Variants in CSTPP1 observed in about 807,000 individuals in gnomAD.
CSTPP1 encodes the protein centriolar satellite-associated tubulin polyglutamylase complex regulator 1, also known as UPF0705 protein C11orf49.
chr11:46,981,020 A>G, the CSTPP1 span, among the ~76,000 whole-genome samples: 1 of 152,184 alleles, frequency 6.6e-6, no homozygotes, highest in African/African-American at 2.4e-5. Flanking sequence ...GTAAACATGA[A>G]GATATCCTGT....
At chr11:47,039,369 G>C in the CSTPP1 span, among the ~76,000 whole-genome samples, 2 of 127,608 alleles carry the variant, frequency 1.6e-5, 1 homozygote, top group African/African-American at 5.0e-5. Context: ...CAGGCGTGGC[G>C]GCGCGCGCCC....
chr11:47,120,904 G>C, the CSTPP1 span, among the ~76,000 whole-genome samples: 1 of 152,148 alleles, frequency 6.6e-6, no homozygotes, highest in Non-Finnish European at 1.5e-5. This position sits in a 1 kb window ranked among gnomAD's most constrained non-coding sequence, Gnocchi z 4.2. Flanking sequence ...ACGCAGAAGA[G>C]TTTTACAGTT....
the CSTPP1 span, among the ~76,000 whole-genome samples, chr11:47,086,411 A>C: frequency 3.8e-4 from 58 of 151,910 alleles, no homozygotes; most frequent in African/African-American, 1.4e-3. Context: ...GTGGAAAAAA[A>C]ATTTTTTAAA....
At chr11:46,962,397 G>T in the CSTPP1 span, among the ~76,000 whole-genome samples, 1 of 152,094 alleles carries the variant, frequency 6.6e-6, no homozygotes, top group Non-Finnish European at 1.5e-5. Context: ...TCTTTTTCGA[G>T]ATTGTTTTGG....
chr11:46,992,225 T>A, the CSTPP1 span, among the ~76,000 whole-genome samples: 4 of 152,002 alleles, frequency 2.6e-5, no homozygotes, highest in African/African-American at 7.2e-5. Context: ...TTTCTTTTTT[T>A]ATTTTTTTTA....
the CSTPP1 span, among the ~76,000 whole-genome samples, chr11:47,149,314 C>T: frequency 5.3e-5 from 8 of 152,222 alleles, no homozygotes; most frequent in Non-Finnish European, 1.0e-4. Context: ...AAAGCAGGGG[C>T]GGCCGGGCAC....
the CSTPP1 span, among the ~76,000 whole-genome samples, chr11:47,142,421 G>A: frequency 4.6e-5 from 7 of 151,866 alleles, no homozygotes; most frequent in South Asian, 2.1e-4. Flanking sequence ...ACTTCATTTC[G>A]CCAAATGTTT....
the CSTPP1 span, among the ~76,000 whole-genome samples, chr11:47,022,737 A>G: frequency 6.6e-6 from 1 of 152,124 alleles, no homozygotes; most frequent in Admixed American, 6.6e-5. Flanking sequence ...TCTAAGACTA[A>G]TATTTTTAGA....
chr11:46,956,020 G>T, the CSTPP1 span, among the ~76,000 whole-genome samples: 1 of 150,756 alleles, frequency 6.6e-6, no homozygotes, highest in Non-Finnish European at 1.5e-5. Context: ...GAAAGAAATG[G>T]TAATGGTCTT....
chr11:47,098,538 C>T, the CSTPP1 span, among the ~76,000 whole-genome samples: 2 of 149,364 alleles, frequency 1.3e-5, no homozygotes, highest in African/African-American at 4.9e-5. Context: ...TGGAGTTTCG[C>T]TCTGTTGCCC....
At chr11:47,002,462 TTTGTATTATGGTTACA>T in the CSTPP1 span, among the ~76,000 whole-genome samples, 18 of 152,332 alleles carry the variant, frequency 1.2e-4, no homozygotes, top group African/African-American at 4.3e-4. Context: ...CTTCAGTCCC[TTTGTATTATGGTTACA>T]GGAAACTATC....
the CSTPP1 span, among the ~76,000 whole-genome samples, chr11:47,039,276 G>A: frequency 7.8e-6 from 1 of 127,948 alleles, no homozygotes; most frequent in East Asian, 2.1e-4. Flanking sequence ...CGAGGCTGGC[G>A]GATCACTCGC....
At chr11:47,107,368 T>G in the CSTPP1 span, among the ~76,000 whole-genome samples, 4 of 152,324 alleles carry the variant, frequency 2.6e-5, no homozygotes, top group South Asian at 4.1e-4. Context: ...CATTGCTCAC[T>G]GTAGTATAAA....
chr11:47,158,975 T>C, the CSTPP1 span, among the ~76,000 whole-genome samples: 457 of 152,322 alleles, frequency 3.0e-3, no homozygotes, highest in Non-Finnish European at 5.2e-3. Context: ...AAGTTAACAT[T>C]CACTAAATGC....
At chr11:46,942,262 C>G in the CSTPP1 span, among the ~76,000 whole-genome samples, 2 of 152,140 alleles carry the variant, frequency 1.3e-5, no homozygotes, top group African/African-American at 4.8e-5. Flanking sequence ...TCTGTAGGAC[C>G]CGCAAAAGGT....
chr11:47,058,406 T>C, the CSTPP1 span, among the ~76,000 whole-genome samples: 1 of 152,096 alleles, frequency 6.6e-6, no homozygotes, highest in African/African-American at 2.4e-5. Context: ...GGAGAAAAAT[T>C]AATCAATAGA....
the CSTPP1 span, among the ~76,000 whole-genome samples, chr11:46,961,763 A>AT: frequency 1.3e-5 from 2 of 152,196 alleles, no homozygotes; most frequent in Middle Eastern, 3.4e-3. Flanking sequence ...GTCAAAAATC[A>AT]TTTTTTTACA....
At chr11:47,104,158 A>G in the CSTPP1 span, among the ~76,000 whole-genome samples, 1 of 152,174 alleles carries the variant, frequency 6.6e-6, no homozygotes, top group Non-Finnish European at 1.5e-5. Context: ...ATTCATTGCT[A>G]TGGGTATTTT....
At chr11:46,975,788 C>CT in the CSTPP1 span, among the ~76,000 whole-genome samples, 2 of 152,144 alleles carry the variant, frequency 1.3e-5, no homozygotes, top group Admixed American at 1.3e-4. Flanking sequence ...ATCTGAAAGT[C>CT]TTTCAACTTC....
Sources: gnomAD v4.1 joint callset for allele counts (sites outside exome capture counted in the v4.1 genomes callset) on GRCh38, gnomAD v4.1.1 for gene constraint, Gnocchi (gnomAD v3.1) non-coding constraint, MANE v1.5 for transcripts, NCBI Gene and HGNC (gene_info 2026-07-23, HGNC 2026-07-21) for gene names.